IGSF9B: variants seen among roughly 807,000 people sequenced by gnomAD.
IGSF9B encodes immunoglobulin superfamily member 9B, also known as protein turtle homolog B.
A neutral mutation model predicts 143.7 loss-of-function variants in IGSF9B; 48 were observed. The observed-to-expected ratio is 0.33, with a 90% CI of 0.26 to 0.42. The LOEUF is 0.42. IGSF9B is among the 20% of genes least tolerant of loss of function. IGSF9B has a pLI of 1.00. For missense variants in IGSF9B, 1,706 were observed against 1,980.0 expected (o/e 0.86, Z 2.63); for synonymous variants, 903 against 833.1 (o/e 1.08, Z -1.44).
intron 15 of IGSF9B, 77 bp downstream of exon 15, chr11:133,924,743 C>T (rs780149371): frequency 4.0e-5 from 47 of 1,180,868 alleles, no homozygotes; most frequent in Non-Finnish European, 5.3e-5. Flanking sequence ...GTGGAGTAGC[C>T]ATTTCACAAA....
At chr11:133,951,994 G>A (rs1219006302) in intron 1 of IGSF9B, 5 of 451,418 alleles carry the variant, frequency 1.1e-5, no homozygotes, top group Admixed American at 4.7e-5. Flanking sequence ...GGGCACACAC[G>A]ACCAGGAGGG....
intron 3 of IGSF9B, among the ~76,000 whole-genome samples, chr11:133,940,577 C>CT (rs1212078734): frequency 2.9e-5 from 4 of 137,846 alleles, no homozygotes; most frequent in African/African-American, 1.1e-4. Flanking sequence ...TGCAAAAACA[C>CT]ACACCTCGCA....
Position 133,919,120 on chromosome 11 carries a change from G to GGC in IGSF9B, c.3983+621_3983+622insGC, listed in dbSNP as rs775132410. Reference sequence around the variant, plus strand: ...TCTGCAGCTTCCTGCGAGGTATACGGGGGGGGGGTGGGGGACGTGTCCTGC... The same window carrying GGC: ...TCTGCAGCTTCCTGCGAGGTATACGGGCGGGGGGGGTGGGGGACGTGTCCTGC... On this transcript the variant is annotated intron_variant, in intron 18 of 19. Coordinates refer to ENST00000533871, the MANE Select transcript of IGSF9B (RefSeq NM_001277285.4). 5 of 349,250 alleles carry GGC rather than the reference G, an allele frequency of 1.4e-5. No homozygotes were observed. The East Asian group carries it at 3.3e-4, about 23-fold the overall frequency. 21.6% of individuals were successfully genotyped at this position (349,250 alleles called of 1,614,324 possible). A position where few individuals can be genotyped will look rare whatever the true frequency, so the allele number is the denominator to read the frequency against.
chr11:133,927,157 G>T, intron 12 of IGSF9B, 66 bp from the exon 13 acceptor site: 1 of 1,324,390 alleles, frequency 7.6e-7, no homozygotes, highest in Non-Finnish European at 1.0e-6. Flanking sequence ...AGAGAAGAGG[G>T]TGCATGCAGG....
chr11:133,918,160 G>T (rs930421900), intron 18 of IGSF9B, among the ~76,000 whole-genome samples: 5 of 152,078 alleles, frequency 3.3e-5, no homozygotes, highest in Non-Finnish European at 5.9e-5. Context: ...GGGCGGTGAG[G>T]GGACATGGTT....
rs1381277728 is a variant in IGSF9B at position 133,901,793 on chromosome 11, C to T, written c.*7276G>A. ...CATGTCTGTACAAATCTCTCTCACA[C>T]ACACCACACACAACAGACACACCAC... On this transcript the variant is annotated 3_prime_UTR_variant, in exon 20 of 20. Coordinates refer to ENST00000533871, the MANE Select transcript of IGSF9B (RefSeq NM_001277285.4). Among the ~76,000 whole-genome samples the T allele has an allele frequency of 1.4e-5, 2 of 142,590 alleles. No individual in the cohort carries two copies. Among genetic ancestry groups the T allele is most frequent in the African/African-American group, 4.9e-5 (2 of 40,478 alleles). The allele number at this position is 142,590 out of a possible 152,430, so 93.5% of individuals were successfully genotyped here.
chr11:133,929,304 A>C (rs1159562725), intron 12 of IGSF9B, among the ~76,000 whole-genome samples: 1 of 152,158 alleles, frequency 6.6e-6, no homozygotes, highest in Non-Finnish European at 1.5e-5. Flanking sequence ...TAAAAACTAG[A>C]CTCTACACTT....
In IGSF9B at chr11:133,935,651, G is replaced by A. The variant is rs1303832276; in HGVS notation, c.933C>T (p.Arg311=). 1.1e-5 allele frequency: 17 copies of A among 1,610,384 alleles called. No homozygotes were observed. Among genetic ancestry groups the A allele is most frequent in the Admixed American group, 6.7e-5 (4 of 59,646 alleles). Residue 311 remains arginine, a synonymous_variant, in exon 7 of 20, where the codon CGC becomes CGT. Transcript: ENST00000533871. ...TCAGGTACGCCGAGGCGGAGGGGGA[G>A]CGCCCCAGGCTGTTGCTGGGCACAC... The part of the protein sequence containing the change: ...YTCVPSNSLG[R]SPSASAYLTV...
intron 1 of IGSF9B, among the ~76,000 whole-genome samples, chr11:133,956,194 A>C (rs1266693926): frequency 6.6e-6 from 1 of 151,860 alleles, no homozygotes; most frequent in Non-Finnish European, 1.5e-5. Flanking sequence ...GGCCGCGCGA[A>C]CCCGGGGCCT....
At position 133,937,930 on chromosome 11, in the gene IGSF9B, C is replaced by T; in HGVS notation, c.441G>A (p.Gln147=). The change falls in exon 4 of 20, where the codon CAG becomes CAA. Residue 147 remains glutamine, a synonymous_variant. Transcript: ENST00000533871. The part of the protein sequence containing the change: ...APPTFTETPP[Q]YIEAKEGGSI... ...TACCACCCTCCTTGGCCTCGATGTA[C>T]TGGGGGGGTGTTTCTGTAAAGGTGG... 6.2e-7 allele frequency: 1 copy of T among 1,613,256 alleles called. No homozygotes were observed. Among genetic ancestry groups the T allele is most frequent in the Non-Finnish European group, 8.5e-7 (1 of 1,179,656 alleles).
At chr11:133,946,945 G>A (rs566391488) in intron 1 of IGSF9B, among the ~76,000 whole-genome samples, 2 of 152,192 alleles carry the variant, frequency 1.3e-5, no homozygotes, top group Non-Finnish European at 2.9e-5. Flanking sequence ...TGCCAGCCCT[G>A]CCGCAGAGGG....
intron 3 of IGSF9B, among the ~76,000 whole-genome samples, chr11:133,943,050 C>A (rs1044349271): frequency 6.6e-6 from 1 of 152,178 alleles, no homozygotes; most frequent in Admixed American, 6.5e-5. Context: ...CCAGCCCCCC[C>A]AGGCAGGGCA....
intron 1 of IGSF9B, among the ~76,000 whole-genome samples, chr11:133,949,523 G>A (rs1005479663): frequency 6.6e-6 from 1 of 152,162 alleles, no homozygotes; most frequent in Non-Finnish European, 1.5e-5. Flanking sequence ...AATACAGGGG[G>A]AAACCAAACC....
At chr11:133,926,865 C>A in intron 13 of IGSF9B, 51 bp downstream of exon 13, 1 of 1,486,582 alleles carries the variant, frequency 6.7e-7, no homozygotes, top group South Asian at 1.3e-5. Flanking sequence ...GGGCCACCGC[C>A]CCCACCACCT....
At position 133,909,225 on chromosome 11, in the gene IGSF9B, G is replaced by T. The variant is rs952425476; in HGVS notation, c.4158C>A (p.Pro1386=). Residue 1386 remains proline, a synonymous_variant, in exon 20 of 20, where the codon CCC becomes CCA. Coordinates refer to ENST00000533871, the MANE Select transcript of IGSF9B (RefSeq NM_001277285.4). This position sits in a 1 kb window ranked among gnomAD's most constrained non-coding sequence, Gnocchi z 4.2. ...QQLPNSQVLW[P]DEAVCLRKKK... is the part of the protein sequence containing the mutation. ...TCTTTCGGAGGCAGACAGCTTCATC[G>T]GGCCACAGAACCTGAGAGTTGGGAA... 6.5e-7 allele frequency: 1 copy of T among 1,535,862 alleles called. No homozygotes were observed. The highest frequency in any genetic ancestry group is 8.7e-7 in the Non-Finnish European group (1 of 1,146,724).
rs1255705089 is a variant in IGSF9B, at chr11:133,945,685, C to T, written c.262+376G>A. Among the ~76,000 whole-genome samples the T allele has an allele frequency of 1.3e-5, 2 of 152,082 alleles. No individual in the cohort carries two copies. The highest frequency in any genetic ancestry group is 2.9e-5 in the Non-Finnish European group (2 of 68,020). On this transcript the variant is annotated intron_variant, in intron 2 of 19. Transcript: ENST00000533871. The surrounding 1 kb of genome is among the most constrained non-coding windows in gnomAD (Gnocchi z 4.6). ...ATACACTCAGGACGGGAAGGCGCCC[C>T]GACTTCAGAGCCAAGAGGAAAGGGG...
Position 133,922,725 on chromosome 11 carries a change from A to G in IGSF9B, c.2125T>C (p.Phe709Leu). The change falls in exon 16 of 20, where the codon TTC becomes CTC. Residue 709 changes from phenylalanine (F) to leucine (L), a missense_variant. This residue lies in a region of IGSF9B where 267 missense variants were observed against 321.1 expected (regional missense o/e 0.83). Coordinates refer to ENST00000533871, the MANE Select transcript of IGSF9B (RefSeq NM_001277285.4). ...TCCTCGGTCAGGTCCGGCTGCGGGA[A>G]GATGTCTGCAGGGAGGGTGGGGAGC... ...NIAGVSSTDI[F>L]PQPDLTEDGL... 6.4e-7 allele frequency: 1 copy of G among 1,563,252 alleles called. No individual in the cohort carries two copies. Among genetic ancestry groups the G allele is most frequent in the Non-Finnish European group, 8.6e-7 (1 of 1,156,912 alleles).
chr11:133,923,086 G>A (rs993182200), intron 15 of IGSF9B, among the ~76,000 whole-genome samples: 1 of 152,192 alleles, frequency 6.6e-6, no homozygotes, highest in African/African-American at 2.4e-5. Flanking sequence ...GAGCTACACA[G>A]AGCACACATA....
At position 133,928,708 on chromosome 11, in the gene IGSF9B, G is replaced by A. The variant is rs573936818; in HGVS notation, c.1631+963C>T. Among the ~76,000 whole-genome samples the A allele has an allele frequency of 1.3e-5, 2 of 152,024 alleles. No homozygotes were observed. The highest frequency in any genetic ancestry group is 2.1e-4 in the South Asian group (1 of 4,808). Reference sequence around the variant, plus strand: ...AGTGTAGGGAGGGGCAGCCCTTGGGGGTGGGAGGAGTCAGCTAGGCTTCCT... The same window carrying A: ...AGTGTAGGGAGGGGCAGCCCTTGGGAGTGGGAGGAGTCAGCTAGGCTTCCT... On this transcript the variant is annotated intron_variant, in intron 12 of 19. Transcript: ENST00000533871. The surrounding 1 kb of genome is among the most constrained non-coding windows in gnomAD (Gnocchi z 4.7).
Sources: allele counts gnomAD v4.1 joint callset (sites outside exome capture counted in the v4.1 genomes callset), GRCh38; gene constraint gnomAD v4.1.1; regional missense constraint gnomAD v4.1.1; non-coding constraint Gnocchi (gnomAD v3.1); transcripts MANE v1.5; gene names NCBI Gene and HGNC (gene_info 2026-07-23, HGNC 2026-07-21).